Variants in TBC1D14 observed in about 807,000 individuals in gnomAD.
TBC1D14 encodes the protein TBC1 domain family, member 14.
In TBC1D14, 26 loss-of-function variants were observed where a neutral mutation model predicts 79.0. The ratio of observed to expected loss-of-function variants is 0.33; its 90% CI spans 0.24 to 0.46. The LOEUF (loss-of-function observed/expected upper bound fraction) is 0.46, where lower values mean the gene tolerates loss of function less well. TBC1D14 is among the 20% of genes least tolerant of loss of function. The probability of loss-of-function intolerance (pLI) is 1.00; values close to 1 mark genes in which losing one functional copy is unlikely to be tolerated. For synonymous variants in TBC1D14, 394 were observed against 349.9 expected, an observed-to-expected ratio of 1.13 and a Z score of -1.40; for missense variants, 769 against 887.6, an observed-to-expected ratio of 0.87 and a Z score of 1.70.
chr4:6,916,729 A>G (rs909429375), intron 1 of TBC1D14, among the ~76,000 whole-genome samples: 1 of 152,162 alleles, frequency 6.6e-6, no homozygotes, highest in Non-Finnish European at 1.5e-5. Context: ...GCCTTGTTGC[A>G]TGGAATGGAA....
chr4:6,989,708 T>C (rs575409341), intron 3 of TBC1D14, among the ~76,000 whole-genome samples: 1 of 152,242 alleles, frequency 6.6e-6, no homozygotes, highest in African/African-American at 2.4e-5. Context: ...TTTCCTCTTT[T>C]CCACATGGCC....
In TBC1D14 at chr4:7,018,016, A is replaced by G. The variant is rs555072678; in HGVS notation, c.1757+3459A>G. On this transcript the variant is annotated intron_variant, in intron 12 of 13. Coordinates refer to ENST00000409757, the MANE Select transcript of TBC1D14 (RefSeq NM_020773.3). ...AGCTGCCATTTCAGAAGCACTCGTCACTGTGGTCTTCAGTGTTCAGGAGCA... is the reference window on the plus strand; with the variant it reads ...AGCTGCCATTTCAGAAGCACTCGTCGCTGTGGTCTTCAGTGTTCAGGAGCA... Among the ~76,000 whole-genome samples the G allele has an allele frequency of 1.1e-3, 171 of 152,290 alleles. 1 individual carries two copies. Among genetic ancestry groups the G allele is most frequent in the Non-Finnish European group, 1.4e-3 (92 of 68,020 alleles).
intron 2 of TBC1D14, among the ~76,000 whole-genome samples, chr4:6,963,320 G>A (rs1715408750): frequency 6.6e-6 from 1 of 152,218 alleles, no homozygotes; most frequent in African/African-American, 2.4e-5. Flanking sequence ...CAAAGGGTGG[G>A]CTGACTCACC....
chr4:6,925,744 T>A (rs10025565), intron 2 of TBC1D14, among the ~76,000 whole-genome samples: 7 of 152,136 alleles, frequency 4.6e-5, no homozygotes, highest in Admixed American at 3.3e-4. Flanking sequence ...CTATCCCTTC[T>A]GAGGCTGTAG....
intron 2 of TBC1D14, among the ~76,000 whole-genome samples, chr4:6,928,630 T>G (rs527780680): frequency 2.7e-4 from 41 of 152,270 alleles, no homozygotes; most frequent in African/African-American, 8.2e-4. Context: ...GTCAGGAGTT[T>G]GAGACCAACC....
At chr4:6,979,710 A>G (rs539890216) in intron 3 of TBC1D14, among the ~76,000 whole-genome samples, 3 of 152,194 alleles carry the variant, frequency 2.0e-5, no homozygotes, top group Non-Finnish European at 4.4e-5. Flanking sequence ...AAATAAAAAG[A>G]TAGAAAAAGA....
At chr4:6,920,301 G>C (rs1005454310) in intron 1 of TBC1D14, among the ~76,000 whole-genome samples, 2 of 147,756 alleles carry the variant, frequency 1.4e-5, no homozygotes, top group African/African-American at 5.0e-5. Context: ...AGACAGGATT[G>C]TGCCCTGTTG....
rs1482784163 is a variant in TBC1D14 at position 7,030,348 on chromosome 4, G to T, written c.2038G>T (p.Asp680Tyr). 1 of 1,613,942 alleles carries T rather than the reference G, an allele frequency of 6.2e-7. No homozygotes were observed. Among genetic ancestry groups the T allele is most frequent in the East Asian group, 2.2e-5 (1 of 44,892 alleles). ...WAQVLTALQK[D>Y]SREMEKGSPS... The stretch of plus-strand genomic sequence containing the variant: ...CTAGGTACTGACTGCATTGCAGAAA[G>T]ACAGCCGGGAAATGGAGAAGGGAAG... Residue 680 changes from aspartate to tyrosine, a missense_variant, in exon 14 of 14, where the codon GAC (aspartate) becomes TAC (tyrosine). By Grantham distance (160) the Asp-to-Tyr change is radical (BLOSUM62 -3). Coordinates refer to ENST00000409757, the MANE Select transcript of TBC1D14 (RefSeq NM_020773.3).
chr4:6,913,450 G>A (rs1723156481), intron 1 of TBC1D14, among the ~76,000 whole-genome samples: 1 of 152,198 alleles, frequency 6.6e-6, no homozygotes, highest in Admixed American at 6.5e-5. Flanking sequence ...AAAGTTTAGG[G>A]ACTGCATTCA....
intron 2 of TBC1D14, among the ~76,000 whole-genome samples, chr4:6,953,629 C>CA (rs750667631): frequency 0.23 from 12,524 of 54,716 alleles, 2,290 homozygotes; most frequent in Middle Eastern, 0.36. Flanking sequence ...GACTCCGTCT[C>CA]AAAAAAAAAA....
chr4:7,002,544 A>G (rs969216166), intron 7 of TBC1D14, among the ~76,000 whole-genome samples: 32 of 152,198 alleles, frequency 2.1e-4, no homozygotes, highest in African/African-American at 7.7e-4. Flanking sequence ...CATTTATCCA[A>G]ACCTTGGTAT....
In TBC1D14 at chr4:6,924,033, A is replaced by C. The variant is rs1348479490; in HGVS notation, c.644A>C (p.His215Pro). 2 of 1,614,126 alleles carry C rather than the reference A, an allele frequency of 1.2e-6. No individual in the cohort carries two copies. The highest frequency in any genetic ancestry group is 1.6e-4 in the Middle Eastern group (1 of 6,062). ...TCTATCAAGGAAACCCGTGGCTTAC[A>C]CCAGCAGGACTGTGTTCATGAAGCT... Reference protein sequence around the residue: ...LSSIKETRGLHQQDCVHEAEE... With the variant: ...LSSIKETRGLPQQDCVHEAEE... The change falls in exon 2 of 14, where the codon CAC (histidine) becomes CCC (proline). Residue 215 changes from histidine (H) to proline (P), a missense_variant. Around this residue, in one of 2 missense-constraint regions of TBC1D14, gnomAD observed 402 missense variants for 393.2 expected, o/e 1.02. Transcript: ENST00000409757.
chr4:7,017,258 C>G (rs563223972), intron 12 of TBC1D14, among the ~76,000 whole-genome samples: 11 of 152,184 alleles, frequency 7.2e-5, no homozygotes, highest in Non-Finnish European at 1.2e-4. Context: ...CGAGATCACA[C>G]CACTGCACTC....
At chr4:6,959,988 A>G (rs143609429) in intron 2 of TBC1D14, among the ~76,000 whole-genome samples, 2 of 151,824 alleles carry the variant, frequency 1.3e-5, no homozygotes, top group Admixed American at 6.6e-5. Flanking sequence ...TTTTTTATGA[A>G]CTTTTTTCCA....
intron 1 of TBC1D14, among the ~76,000 whole-genome samples, chr4:6,912,824 TCA>T (rs1199356484): frequency 2.0e-5 from 3 of 152,188 alleles, no homozygotes; most frequent in Admixed American, 2.0e-4. Context: ...CTTACTGTCT[TCA>T]TTTTGCTGCA....
intron 12 of TBC1D14, among the ~76,000 whole-genome samples, chr4:7,016,301 G>T (rs1721272913): frequency 6.6e-6 from 1 of 152,208 alleles, no homozygotes; most frequent in African/African-American, 2.4e-5. Flanking sequence ...TGGCTATACT[G>T]GGTAGAAGTG....
intron 2 of TBC1D14, among the ~76,000 whole-genome samples, chr4:6,936,613 A>G (rs966550231): frequency 6.6e-6 from 1 of 152,216 alleles, no homozygotes; most frequent in Non-Finnish European, 1.5e-5. Flanking sequence ...TTTTGTGTGG[A>G]CATAAGTTTT....
chr4:6,933,290 C>A (rs1251108995), intron 2 of TBC1D14, among the ~76,000 whole-genome samples: 1 of 38,748 alleles, frequency 2.6e-5, no homozygotes, highest in African/African-American at 9.7e-5. Context: ...CTTCCCCTTC[C>A]CCTTCCCCTT....
intron 3 of TBC1D14, among the ~76,000 whole-genome samples, chr4:6,992,568 G>A (rs532833093): frequency 1.7e-4 from 26 of 152,206 alleles, no homozygotes; most frequent in Non-Finnish European, 3.5e-4. Flanking sequence ...CAGCATTCTG[G>A]CCTTGGCATA....
Sources: gnomAD v4.1 joint callset for allele counts (sites outside exome capture counted in the v4.1 genomes callset) on GRCh38, gnomAD v4.1.1 for gene constraint, gnomAD v4.1.1 regional missense constraint, MANE v1.5 for transcripts, NCBI Gene and HGNC (gene_info 2026-07-23, HGNC 2026-07-21) for gene names.